The following NKD1 variants were observed in gnomAD, a reference collection of about 807,000 sequenced individuals.
NKD1 encodes NKD inhibitor of Wnt signaling pathway 1, also known as protein naked cuticle homolog 1.
NKD1 carries 21 observed loss-of-function variants against 56.0 expected under a neutral mutation model. That is an observed-to-expected ratio of 0.38 (90% CI 0.27 to 0.54). The LOEUF is 0.54. Among genes scored for constraint, NKD1 ranks in the 20% least tolerant of loss-of-function variants. The probability of loss-of-function intolerance (pLI) is 0.82; values close to 1 mark genes in which losing one functional copy is unlikely to be tolerated. For missense variants in NKD1, 578 were observed against 642.7 expected (o/e 0.90, Z 1.09); for synonymous variants, 263 against 265.7 (o/e 0.99, Z 0.10).
intron 2 of NKD1, 187 bp downstream of exon 2, chr16:50,548,936 C>T: frequency 5.2e-6 from 5 of 957,516 alleles, no homozygotes; most frequent in Non-Finnish European, 6.2e-6. Flanking sequence ...TACCCGCTCC[C>T]CGCGGTCCTG....
rs1040310466 is a variant in NKD1, at chr16:50,633,224, C to G, written c.856C>G (p.Pro286Ala). The change falls in exon 10 of 10, where the codon CCC (proline) becomes GCC (alanine). Residue 286 changes from proline to alanine, a missense_variant. Coordinates refer to ENST00000268459, the MANE Select transcript of NKD1 (RefSeq NM_033119.5). This position sits in a 1 kb window ranked among gnomAD's most constrained non-coding sequence, Gnocchi z 4.9. ...TTCCGTGGCCCAGAAGTCAGAACTG[C>G]CCCCCCGCACCTCCAATCCCACTCG... is the stretch of plus-strand genomic sequence containing the variant. ...SPSVAQKSELPPRTSNPTRSR... is the reference protein window; with the variant it reads ...SPSVAQKSELAPRTSNPTRSR... 1.9e-6 allele frequency: 3 copies of G among 1,608,378 alleles called. No homozygotes were observed. Among genetic ancestry groups the G allele is most frequent in the Admixed American group, 1.7e-5 (1 of 59,440 alleles).
In NKD1 at chr16:50,562,986, ACC is replaced by A. The variant is rs1307651263; in HGVS notation, c.192+13442_192+13443del. ...GAAAGGGCTGCTAGGTCCCACCACC[ACC>A]CCCCCCCCCCGCCGTAGAATGGGTA... On this transcript the variant is annotated intron_variant, in intron 3 of 9. Transcript: ENST00000268459. Among the ~76,000 whole-genome samples the A allele has an allele frequency of 6.6e-4, 40 of 60,420 alleles. 2 individuals carry two copies. Among genetic ancestry groups the A allele is most frequent in the African/African-American group, 1.9e-3 (20 of 10,666 alleles). 39.6% of individuals were successfully genotyped at this position (60,420 alleles called of 152,430 possible).
At chr16:50,586,738 G>T (rs1438045673) in intron 3 of NKD1, among the ~76,000 whole-genome samples, 1 of 152,184 alleles carries the variant, frequency 6.6e-6, no homozygotes, top group Non-Finnish European at 1.5e-5. Flanking sequence ...ATCCTCTTCT[G>T]TGCATCCTGT....
At chr16:50,626,569 G>A (rs758549461) in intron 6 of NKD1, among the ~76,000 whole-genome samples, 13 of 152,198 alleles carry the variant, frequency 8.5e-5, no homozygotes, top group Admixed American at 2.6e-4. Context: ...GGAGGTGGCC[G>A]TGGTGGCCAA....
Position 50,548,751 on chromosome 16 carries a change from T to A in NKD1, c.58+2T>A. The A allele has an allele frequency of 7.0e-7, 1 of 1,420,452 alleles. No individual in the cohort carries two copies. The highest frequency in any genetic ancestry group is 9.1e-7 in the Non-Finnish European group (1 of 1,098,760). The allele number at this position is 1,420,452 out of a possible 1,614,324, so 88.0% of individuals were successfully genotyped here. The stretch of plus-strand genomic sequence containing the variant: ...GCAAGCGCAGGGAGAGCCCGGAAGG[T>A]AGGGGCGCGCGGGGCGCAGACCTCG... On this transcript the variant is annotated splice_donor_variant, in intron 2 of 9. Coordinates refer to ENST00000268459, the MANE Select transcript of NKD1 (RefSeq NM_033119.5). LOFTEE classifies it high-confidence loss of function.
At chr16:50,578,493 C>T (rs1429483872) in intron 3 of NKD1, among the ~76,000 whole-genome samples, 2 of 152,146 alleles carry the variant, frequency 1.3e-5, no homozygotes, top group African/African-American at 4.8e-5. Context: ...GCTTCTGCTT[C>T]TTCAGCTGGC....
rs1360766410 is a variant in NKD1 at position 50,645,889 on chromosome 16, G to C, written c.*12108G>C. 2.0e-5 allele frequency: 3 copies of C among 152,156 alleles called. No homozygotes were observed. Among genetic ancestry groups the C allele is most frequent in the Non-Finnish European group, 4.4e-5 (3 of 68,038 alleles). The allele number at this position is 152,156 out of a possible 1,614,324, so 9.4% of individuals were successfully genotyped here. On this transcript the variant is annotated 3_prime_UTR_variant, in exon 10 of 10. Transcript: ENST00000268459. The stretch of plus-strand genomic sequence containing the variant: ...AAAGAGGCCCCAATTTCCTCTCTCT[G>C]GTAGTTGCTGAATTGGCTCTCGTGA...
chr16:50,632,519 C>A lies in NKD1; in HGVS notation c.823+111C>A. The A allele has an allele frequency of 1.9e-6, 2 of 1,042,386 alleles. No individual in the cohort carries two copies. Among genetic ancestry groups the A allele is most frequent in the East Asian group, 2.4e-5 (1 of 41,300 alleles). The allele number at this position is 1,042,386 out of a possible 1,614,324, so 64.6% of individuals were successfully genotyped here. On this transcript the variant is annotated intron_variant, in intron 9 of 9. Transcript: ENST00000268459. This position sits in a 1 kb window ranked among gnomAD's most constrained non-coding sequence, Gnocchi z 4.1. ...GCTACCCCAGGCTTCGGTAAGACAACTATTATGGGACAGGTCAAAGACTTC... is the reference window on the plus strand; with the variant it reads ...GCTACCCCAGGCTTCGGTAAGACAAATATTATGGGACAGGTCAAAGACTTC...
rs1280151069 is a variant in NKD1, at chr16:50,642,869, G to A, written c.*9088G>A. Reference sequence around the variant, plus strand: ...TGAGGACATGACTTTTCCCTCTCAAGTTTGATGGGATCACTCTGTTCCTTC... The same window carrying A: ...TGAGGACATGACTTTTCCCTCTCAAATTTGATGGGATCACTCTGTTCCTTC... On this transcript the variant is annotated 3_prime_UTR_variant, in exon 10 of 10. Coordinates refer to ENST00000268459, the MANE Select transcript of NKD1 (RefSeq NM_033119.5). 5 of 152,214 alleles carry A rather than the reference G, an allele frequency of 3.3e-5. No homozygotes were observed. 9.4% of individuals were successfully genotyped at this position (152,214 alleles called of 1,614,324 possible).
chr16:50,555,979 GA>G (rs891752015), intron 3 of NKD1: 55 of 151,430 alleles, frequency 3.6e-4, no homozygotes, highest in African/African-American at 1.3e-3. Flanking sequence ...CCTGAGGAAG[GA>G]AAAAATTCAG....
intron 3 of NKD1, chr16:50,573,811 C>T: frequency 2.0e-6 from 2 of 985,328 alleles, no homozygotes; most frequent in Non-Finnish European, 2.4e-6. Context: ...TGTCTGAGAA[C>T]TCTCACGGAA....
intron 3 of NKD1, among the ~76,000 whole-genome samples, chr16:50,572,171 C>T (rs1184962505): frequency 6.6e-6 from 1 of 152,202 alleles, no homozygotes; most frequent in East Asian, 1.9e-4. Flanking sequence ...TTGGAATGCT[C>T]ACCACCATTG....
chr16:50,624,521 A>C (rs1399167341), intron 5 of NKD1, among the ~76,000 whole-genome samples: 2 of 152,250 alleles, frequency 1.3e-5, no homozygotes, highest in Non-Finnish European at 2.9e-5. Context: ...GCATGGGTGT[A>C]AAGGACACCA....
intron 3 of NKD1, among the ~76,000 whole-genome samples, chr16:50,571,842 C>T (rs185981715): frequency 1.2e-4 from 19 of 152,246 alleles, no homozygotes; most frequent in Admixed American, 1.0e-3. Context: ...ATCTCTACTG[C>T]GGCTTCCCAC....
intron 6 of NKD1, among the ~76,000 whole-genome samples, chr16:50,626,180 C>A (rs1364925491): frequency 6.6e-6 from 1 of 152,250 alleles, no homozygotes; most frequent in Non-Finnish European, 1.5e-5. Context: ...CAGGGCCCTC[C>A]TCCTGCAGCT....
At chr16:50,602,432 A>G (rs754835742) in intron 3 of NKD1, among the ~76,000 whole-genome samples, 2 of 152,200 alleles carry the variant, frequency 1.3e-5, no homozygotes, top group Non-Finnish European at 2.9e-5. Flanking sequence ...GTTGCTTTCC[A>G]TGAAACCTTG....
intron 4 of NKD1, among the ~76,000 whole-genome samples, chr16:50,620,312 A>C (rs982229052): frequency 5.3e-5 from 8 of 152,244 alleles, no homozygotes; most frequent in Non-Finnish European, 1.2e-4. Flanking sequence ...CCTTGCTTGC[A>C]AAGCTGGGGT....
At chr16:50,548,677 C>T in intron 1 of NKD1, 40 bp from the exon 2 acceptor site, 1 of 1,464,308 alleles carries the variant, frequency 6.8e-7, no homozygotes, top group South Asian at 1.3e-5. Flanking sequence ...CCCGCCGCCG[C>T]GGCTGCCGCC....
chr16:50,549,389 A>G, intron 2 of NKD1, 33 bp from the exon 3 acceptor site: 1 of 1,602,298 alleles, frequency 6.2e-7, no homozygotes, highest in East Asian at 2.3e-5. Context: ...ACCTGGAGCC[A>G]GACTCAGGGG....
Sources: allele counts gnomAD v4.1 joint callset (sites outside exome capture counted in the v4.1 genomes callset), GRCh38; gene constraint gnomAD v4.1.1; non-coding constraint Gnocchi (gnomAD v3.1); transcripts MANE v1.5; gene names NCBI Gene and HGNC (gene_info 2026-07-23, HGNC 2026-07-21).